Variants in PDS5B observed in about 807,000 individuals in gnomAD.
PDS5B encodes the protein sister chromatid cohesion protein PDS5 homolog B.
Under a neutral mutation model 184.1 loss-of-function variants are expected in PDS5B, and 51 were observed. The observed-to-expected ratio is 0.28, with a 90% CI of 0.22 to 0.35. PDS5B has a LOEUF of 0.35. Among genes scored for constraint, PDS5B ranks in the 10% least tolerant of loss-of-function variants. The pLI is 1.00. For missense variants in PDS5B, 1,180 were observed against 1,723.3 expected (o/e 0.68, Z 5.58); for synonymous variants, 566 against 569.2 (o/e 0.99, Z 0.08).
chr13:32,623,588 T>G (rs1308354271), intron 1 of PDS5B, among the ~76,000 whole-genome samples: 1 of 152,098 alleles, frequency 6.6e-6, no homozygotes. Flanking sequence ...CAAGATGGAG[T>G]CAGTTATGTT....
At chr13:32,691,154 C>G (rs1326238710) in intron 13 of PDS5B, 2 of 151,826 alleles carry the variant, frequency 1.3e-5, no homozygotes, top group African/African-American at 2.4e-5. Flanking sequence ...TTTCTTGTTT[C>G]CTTTAAAAAT....
chr13:32,659,271 T>C lies in PDS5B; in HGVS notation c.615T>C (p.Pro205=), dbSNP rs1457629205. 3 of 1,586,578 alleles carry C rather than the reference T, an allele frequency of 1.9e-6. No individual in the cohort carries two copies. The South Asian group carries it at 3.5e-5, about 19-fold the overall frequency. Residue 205 remains proline (P), a synonymous_variant, in exon 6 of 35, where the codon CCT becomes CCC. Transcript: ENST00000315596. ...LLDTVLVNLV[P]AHKNLNKQAY... ...ATACGGTTTTAGTAAATCTGGTACC[T>C]GCTCATAAGGTGAGTAGCAATGTAT... is the stretch of plus-strand genomic sequence containing the variant.
chr13:32,692,823 C>A (rs530638005), intron 13 of PDS5B, among the ~76,000 whole-genome samples: 1 of 151,952 alleles, frequency 6.6e-6, no homozygotes, highest in South Asian at 2.1e-4. Flanking sequence ...CTGGTTAATA[C>A]AATTTTATTA....
At chr13:32,746,841 C>A (rs1023488973) in intron 24 of PDS5B, among the ~76,000 whole-genome samples, 1 of 152,168 alleles carries the variant, frequency 6.6e-6, no homozygotes, top group African/African-American at 2.4e-5. Flanking sequence ...ATTTACTTTG[C>A]AAATGACCCA....
chr13:32,618,038 A>T (rs556141285), intron 1 of PDS5B, among the ~76,000 whole-genome samples: 80 of 152,294 alleles, frequency 5.3e-4, no homozygotes, highest in African/African-American at 1.8e-3. Context: ...CTGTGTTCTC[A>T]TATGGTGGAA....
rs1045810818 is a variant in PDS5B, at chr13:32,777,960, A to G, written c.*2908A>G. Reference sequence around the variant, plus strand: ...TAATGAACAATTGCTATTTAAATAGATAACCAATTTTCAGACACATTTTTG... The same window carrying G: ...TAATGAACAATTGCTATTTAAATAGGTAACCAATTTTCAGACACATTTTTG... On this transcript the variant is annotated 3_prime_UTR_variant, in exon 35 of 35. Coordinates refer to ENST00000315596, the MANE Select transcript of PDS5B (RefSeq NM_015032.4). 6.6e-6 allele frequency: 1 copy of G among 152,484 alleles called. No homozygotes were observed. The highest frequency in any genetic ancestry group is 2.4e-5 in the African/African-American group (1 of 41,460). The allele number at this position is 152,484 out of a possible 1,614,324, so 9.4% of individuals were successfully genotyped here.
chr13:32,661,085 C>A (rs909133441), intron 6 of PDS5B, among the ~76,000 whole-genome samples: 2 of 151,874 alleles, frequency 1.3e-5, no homozygotes, highest in Non-Finnish European at 2.9e-5. Context: ...GAGAAAAACT[C>A]ATTAGCAATG....
At chr13:32,674,701 G>A (rs570049234) in intron 8 of PDS5B, among the ~76,000 whole-genome samples, 2 of 151,834 alleles carry the variant, frequency 1.3e-5, no homozygotes, top group African/African-American at 4.8e-5. Flanking sequence ...GATACAAACA[G>A]CGTACAATTG....
chr13:32,684,904 G>A (rs1951342488), intron 11 of PDS5B, among the ~76,000 whole-genome samples: 2 of 152,156 alleles, frequency 1.3e-5, no homozygotes, highest in Admixed American at 1.3e-4. Flanking sequence ...ATGAGGTCAG[G>A]AGATCAAGAC....
At chr13:32,759,275 A>G (rs763869814) in intron 28 of PDS5B, among the ~76,000 whole-genome samples, 58 of 152,232 alleles carry the variant, frequency 3.8e-4, no homozygotes, top group Non-Finnish European at 7.5e-4. Context: ...GATTTGGAAC[A>G]GGCCTGTAGG....
At chr13:32,654,764 A>G (rs1950458581) in intron 3 of PDS5B, among the ~76,000 whole-genome samples, 1 of 152,124 alleles carries the variant, frequency 6.6e-6, no homozygotes. Flanking sequence ...GCTCCTGGTG[A>G]TAAGTGAGAA....
intron 10 of PDS5B, among the ~76,000 whole-genome samples, chr13:32,679,654 AT>A (rs1312958340): frequency 9.2e-5 from 14 of 151,522 alleles, no homozygotes; most frequent in South Asian, 4.2e-4. Flanking sequence ...AAAAAAAAAA[AT>A]AAATAAATAA....
chr13:32,656,612 T>TTA (rs1950520674), intron 3 of PDS5B, among the ~76,000 whole-genome samples: 1 of 149,116 alleles, frequency 6.7e-6, no homozygotes, highest in African/African-American at 2.5e-5. Context: ...TTTTTTTTTT[T>TTA]AAAAGACAAA....
rs1364692570 is a variant in PDS5B at position 32,777,913 on chromosome 13, A to G, written c.*2861A>G. ...TGTTTAAATTAGGCATATCTCTGCCATCACATAGTATTATGTCACCATAAT... is the reference window on the plus strand; with the variant it reads ...TGTTTAAATTAGGCATATCTCTGCCGTCACATAGTATTATGTCACCATAAT... On this transcript the variant is annotated 3_prime_UTR_variant, in exon 35 of 35. Coordinates refer to ENST00000315596, the MANE Select transcript of PDS5B (RefSeq NM_015032.4). 4 of 152,496 alleles carry G rather than the reference A, an allele frequency of 2.6e-5. No homozygotes were observed. The highest frequency in any genetic ancestry group is 4.4e-5 in the Non-Finnish European group (3 of 67,878). The allele number at this position is 152,496 out of a possible 1,614,324, so 9.4% of individuals were successfully genotyped here. A position where few individuals can be genotyped will look rare whatever the true frequency, so the allele number is the denominator to read the frequency against.
intron 18 of PDS5B, among the ~76,000 whole-genome samples, chr13:32,707,524 C>A (rs1952065442): frequency 1.3e-5 from 2 of 149,992 alleles, no homozygotes; most frequent in African/African-American, 2.5e-5. Flanking sequence ...TCATTGAGAT[C>A]AAACTGAATA....
intron 1 of PDS5B, among the ~76,000 whole-genome samples, chr13:32,606,708 C>G (rs1345168213): frequency 1.3e-5 from 2 of 152,218 alleles, no homozygotes; most frequent in African/African-American, 4.8e-5. Flanking sequence ...GTACACGAAT[C>G]AGATGTAGAT....
chr13:32,617,408 A>C (rs1260826307), intron 1 of PDS5B, among the ~76,000 whole-genome samples: 1 of 152,234 alleles, frequency 6.6e-6, no homozygotes, highest in Non-Finnish European at 1.5e-5. Flanking sequence ...TATCTTGGGA[A>C]CAGAACAATA....
chr13:32,653,261 C>T (rs9591222), intron 3 of PDS5B, among the ~76,000 whole-genome samples: 47,775 of 151,886 alleles, frequency 0.31, 9,115 homozygotes, highest in Non-Finnish European at 0.43. Context: ...TGCACTCCAG[C>T]CTGGCCAACA....
intron 19 of PDS5B, among the ~76,000 whole-genome samples, chr13:32,716,616 G>C (rs1433205724): frequency 1.4e-5 from 2 of 147,914 alleles, no homozygotes; most frequent in African/African-American, 2.5e-5. Flanking sequence ...GGAGGGAGGT[G>C]GGGGGGTCAG....
Sources: gnomAD v4.1 joint callset for allele counts (sites outside exome capture counted in the v4.1 genomes callset) on GRCh38, gnomAD v4.1.1 for gene constraint, MANE v1.5 for transcripts, NCBI Gene and HGNC (gene_info 2026-07-23, HGNC 2026-07-21) for gene names.